The following MAST4 variants were observed in gnomAD, a reference collection of about 807,000 sequenced individuals.
The protein encoded by MAST4 is microtubule associated serine/threonine kinase family member 4, also known as microtubule-associated serine/threonine-protein kinase 4.
Under a neutral mutation model 162.7 loss-of-function variants are expected in MAST4, and 89 were observed. The observed-to-expected ratio is 0.55, with a 90% CI of 0.46 to 0.65. The LOEUF (loss-of-function observed/expected upper bound fraction) is 0.65. MAST4 is among the 30% of genes least tolerant of loss of function. The pLI is 0.00. For missense variants in MAST4, 3,153 were observed against 3,374.0 expected, an observed-to-expected ratio of 0.93 and a Z score of 1.62; for synonymous variants, 1,479 against 1,361.1, an observed-to-expected ratio of 1.09 and a Z score of -1.91.
intron 3 of MAST4, among the ~76,000 whole-genome samples, chr5:66,813,492 T>G (rs1756571819): frequency 6.6e-6 from 1 of 152,252 alleles, no homozygotes; most frequent in Non-Finnish European, 1.5e-5. Flanking sequence ...AGATTCCAGC[T>G]GTTCAGTTGC....
chr5:66,622,420 C>CTT (rs35612725), intron 1 of MAST4, among the ~76,000 whole-genome samples: 45,082 of 141,650 alleles, frequency 0.32, 7,834 homozygotes, highest in East Asian at 0.67. Context: ...CCTTGTAAGG[C>CTT]TTTTTTTTTT....
chr5:66,735,984 T>C (rs1309715897), intron 1 of MAST4, among the ~76,000 whole-genome samples: 1 of 152,226 alleles, frequency 6.6e-6, no homozygotes, highest in East Asian at 1.9e-4. Context: ...TAGGGTGATA[T>C]GGAACATTTA....
chr5:67,081,252 G>T (rs1465465895), intron 5 of MAST4, among the ~76,000 whole-genome samples: 2 of 150,928 alleles, frequency 1.3e-5, no homozygotes, highest in Non-Finnish European at 1.5e-5. Context: ...ATAGGATTTG[G>T]GGTGGGGGAG....
intron 1 of MAST4, among the ~76,000 whole-genome samples, chr5:66,732,392 C>T (rs1751908476): frequency 6.6e-6 from 1 of 152,152 alleles, no homozygotes; most frequent in African/African-American, 2.4e-5. Context: ...TACACTGTTG[C>T]CTCTGATAGA....
At chr5:66,916,894 C>A in intron 4 of MAST4, 2 of 686,138 alleles carry the variant, frequency 2.9e-6, no homozygotes, top group Non-Finnish European at 5.4e-6. Context: ...TTTCAGTACT[C>A]CCTTTCTCCC....
chr5:66,987,852 A>G (rs1324399397), intron 4 of MAST4, among the ~76,000 whole-genome samples: 1 of 152,168 alleles, frequency 6.6e-6, no homozygotes, highest in Non-Finnish European at 1.5e-5. Context: ...GATTACACTG[A>G]CTGTAGTTAG....
intron 1 of MAST4, among the ~76,000 whole-genome samples, chr5:66,628,946 T>C (rs1192173258): frequency 6.6e-6 from 1 of 152,216 alleles, no homozygotes; most frequent in Non-Finnish European, 1.5e-5. Context: ...TTACCTAGAA[T>C]TGTATAATAT....
At chr5:66,667,796 T>C (rs992593723) in intron 1 of MAST4, among the ~76,000 whole-genome samples, 64 of 152,134 alleles carry the variant, frequency 4.2e-4, no homozygotes, top group African/African-American at 1.3e-3. Context: ...TAATTGATTT[T>C]TTTTGTTCTT....
intron 1 of MAST4, among the ~76,000 whole-genome samples, chr5:66,627,460 T>C (rs1394130280): frequency 1.3e-5 from 2 of 152,190 alleles, no homozygotes; most frequent in Admixed American, 6.5e-5. Flanking sequence ...TGATCAACCA[T>C]GTTCAGTGCT....
chr5:66,889,823 G>C (rs951311177), intron 3 of MAST4, among the ~76,000 whole-genome samples: 1 of 152,266 alleles, frequency 6.6e-6, no homozygotes, highest in East Asian at 1.9e-4. Context: ...AAGATAAGCT[G>C]TATTATTTTC....
chr5:66,754,241 T>G (rs937855597), intron 1 of MAST4, among the ~76,000 whole-genome samples: 2 of 152,100 alleles, frequency 1.3e-5, no homozygotes, highest in African/African-American at 4.8e-5. Flanking sequence ...AGGAAAAGAT[T>G]GGATTGATTT....
intron 4 of MAST4, among the ~76,000 whole-genome samples, chr5:67,034,932 C>T (rs772119539): frequency 3.3e-5 from 5 of 151,992 alleles, no homozygotes; most frequent in Non-Finnish European, 5.9e-5. Flanking sequence ...ATTTATAAAC[C>T]AAAAAGAAAG....
intron 1 of MAST4, among the ~76,000 whole-genome samples, chr5:66,635,078 G>A (rs1745023186): frequency 2.0e-5 from 3 of 152,164 alleles, no homozygotes; most frequent in Admixed American, 2.0e-4. Flanking sequence ...TTGTACATCA[G>A]GTACATCATT....
chr5:66,972,274 G>GA (rs1290934701), intron 4 of MAST4, among the ~76,000 whole-genome samples: 1 of 152,170 alleles, frequency 6.6e-6, no homozygotes, highest in Non-Finnish European at 1.5e-5. Context: ...AGTCTCGGGT[G>GA]AAAAAGACGT....
chr5:66,816,368 T>G (rs1209638100), intron 3 of MAST4, among the ~76,000 whole-genome samples: 1 of 152,198 alleles, frequency 6.6e-6, no homozygotes, highest in Non-Finnish European at 1.5e-5. Flanking sequence ...AGTGCTTCCT[T>G]TCCCTCTGTT....
chr5:66,689,757 C>T (rs1387113541), intron 1 of MAST4, among the ~76,000 whole-genome samples: 1 of 152,172 alleles, frequency 6.6e-6, no homozygotes, highest in Non-Finnish European at 1.5e-5. Flanking sequence ...AAACCATTTA[C>T]TGTTTACCCC....
intron 4 of MAST4, among the ~76,000 whole-genome samples, chr5:66,995,168 T>A (rs982880251): frequency 6.0e-5 from 9 of 150,668 alleles, no homozygotes; most frequent in Middle Eastern, 3.4e-3. Context: ...AGACTTCTTT[T>A]TAAAAGCAAT....
At chr5:66,664,236 G>A (rs1202321626) in intron 1 of MAST4, among the ~76,000 whole-genome samples, 1 of 152,012 alleles carries the variant, frequency 6.6e-6, no homozygotes, top group Admixed American at 6.6e-5. Flanking sequence ...AGGAGTTCAA[G>A]ACCAGCCTGG....
intron 1 of MAST4, among the ~76,000 whole-genome samples, chr5:66,696,819 A>G (rs1254705819): frequency 6.6e-6 from 1 of 152,164 alleles, no homozygotes; most frequent in Non-Finnish European, 1.5e-5. Flanking sequence ...CTAGCACTCT[A>G]GTGTCCAACA....
Sources: allele counts gnomAD v4.1 joint callset (sites outside exome capture counted in the v4.1 genomes callset), GRCh38; gene constraint gnomAD v4.1.1; transcripts MANE v1.5; gene names NCBI Gene and HGNC (gene_info 2026-07-23, HGNC 2026-07-21).